The following WDR11 variants were observed in gnomAD, a reference collection of about 807,000 sequenced individuals.
WDR11 encodes the protein WD repeat domain 11, also known as WD repeat-containing protein 11.
WDR11 carries 83 observed loss-of-function variants against 151.2 expected under a neutral mutation model. That is an observed-to-expected ratio of 0.55 (90% CI 0.46 to 0.66). The LOEUF (loss-of-function observed/expected upper bound fraction) is 0.66, where lower values mean the gene tolerates loss of function less well. Ranked by LOEUF, WDR11 falls within the 30% of genes least tolerant of loss-of-function variation. WDR11 has a pLI of 0.00. For missense variants in WDR11, 1,301 were observed against 1,480.9 expected, an observed-to-expected ratio of 0.88 and a Z score of 1.99; for synonymous variants, 484 against 533.1, an observed-to-expected ratio of 0.91 and a Z score of 1.27.
Position 120,865,679 on chromosome 10 carries a change from G to T in WDR11, c.929G>T (p.Gly310Val). The change falls in exon 7 of 29, where the codon GGT (glycine) becomes GTT (valine). Residue 310 changes from glycine to valine, a missense_variant. By Grantham distance (109) the Gly-to-Val change is moderately radical (BLOSUM62 -3). Around this residue, in one of 3 missense-constraint regions of WDR11, gnomAD observed 692 missense variants for 762.5 expected, o/e 0.91. Transcript: ENST00000263461. ...RDGLFCLHENGCITLRVRRSY... is the reference protein window; with the variant it reads ...RDGLFCLHENVCITLRVRRSY... ...GGTTTATTTTGTCTACATGAAAATGGTTGTATAACTTTACGTGTTCGAAGA... is the reference window on the plus strand; with the variant it reads ...GGTTTATTTTGTCTACATGAAAATGTTTGTATAACTTTACGTGTTCGAAGA... 6.2e-7 allele frequency: 1 copy of T among 1,610,990 alleles called. No individual in the cohort carries two copies. The highest frequency in any genetic ancestry group is 8.5e-7 in the Non-Finnish European group (1 of 1,179,296).
intron 19 of WDR11, among the ~76,000 whole-genome samples, chr10:120,899,251 A>G (rs2133806801): frequency 6.6e-6 from 1 of 152,294 alleles, no homozygotes; most frequent in South Asian, 2.1e-4. Context: ...TACCTTTATA[A>G]GTGAGACCTG....
rs201033522 is a variant in WDR11, at chr10:120,885,892, G to A, written c.1927G>A (p.Val643Ile). The change falls in exon 15 of 29, where the codon GTA becomes ATA. Residue 643 changes from valine to isoleucine, a missense_variant. Around this residue, in one of 3 missense-constraint regions of WDR11, gnomAD observed 20 missense variants for 47.8 expected, o/e 0.42. Transcript: ENST00000263461. The stretch of plus-strand genomic sequence containing the variant: ...TCGAGAGGCCATGGCCCGCCAGACC[G>A]TAGTCTCAGACACAGAGCTGAGTAT... ...ATREAMARQT[V>I]VSDTELSIVE... 97 of 1,613,746 alleles carry A rather than the reference G, an allele frequency of 6.0e-5. No homozygotes were observed. The highest frequency in any genetic ancestry group is 8.9e-5 in the East Asian group (4 of 44,856).
In WDR11 at chr10:120,873,318, G is replaced by A. The variant is rs79607445; in HGVS notation, c.1472-521G>A. ...TCCAAGAGTATAAGGAAGAGCCAGGGCTTAAGCCCAGGTTTCTTTAATTGC... is the reference window on the plus strand; with the variant it reads ...TCCAAGAGTATAAGGAAGAGCCAGGACTTAAGCCCAGGTTTCTTTAATTGC... On this transcript the variant is annotated intron_variant, in intron 10 of 28. Coordinates refer to ENST00000263461, the MANE Select transcript of WDR11 (RefSeq NM_018117.12). Among the ~76,000 whole-genome samples the A allele has an allele frequency of 1.4e-4, 22 of 152,278 alleles. No homozygotes were observed. In the East Asian group the frequency reaches 4.2e-3, roughly 29 times the overall value.
At chr10:120,859,254 G>A (rs939510312) in intron 3 of WDR11, among the ~76,000 whole-genome samples, 1 of 149,430 alleles carries the variant, frequency 6.7e-6, no homozygotes, top group African/African-American at 2.5e-5. Context: ...AAACCAGTAC[G>A]GTATTCTTTT....
Position 120,866,710 on chromosome 10 carries a change from G to GCC in WDR11, c.1136_1137insCC (p.Arg379SerfsTer4). 6.2e-7 allele frequency: 1 copy of GCC among 1,614,196 alleles called. No homozygotes were observed. Among genetic ancestry groups the GCC allele is most frequent in the Non-Finnish European group, 8.5e-7 (1 of 1,180,040 alleles). On this transcript the variant is annotated frameshift_variant, in exon 8 of 29. Transcript: ENST00000263461. LOFTEE classifies it high-confidence loss of function. ...GCCGCCCTCGTAGTGAGTGATGGCA[G>GCC]GGTCATGATATGGGAACTCAAGTCT... is the stretch of plus-strand genomic sequence containing the variant.
rs1266657607 is a variant in WDR11 at position 120,864,672 on chromosome 10, CTTG to C, written c.714-374_714-372del. ...AATGTTGATGTTTTTCATCCTGAGT[CTTG>C]ATTTTAACAGTTTGCCTAGTACTTT... is the stretch of plus-strand genomic sequence containing the variant. On this transcript the variant is annotated intron_variant, in intron 5 of 28. Transcript: ENST00000263461. Among the ~76,000 whole-genome samples the C allele has an allele frequency of 2.1e-4, 32 of 152,174 alleles. No individual in the cohort carries two copies. The South Asian group carries it at 4.8e-3, about 23-fold the overall frequency.
intron 1 of WDR11, 200 bp downstream of exon 1, chr10:120,851,706 T>C: frequency 1.6e-6 from 1 of 637,338 alleles, no homozygotes; most frequent in South Asian, 1.9e-5. Context: ...AATTCCCCCA[T>C]GCAAATACAT....
Position 120,862,494 on chromosome 10 carries a change from T to A in WDR11, c.527-241T>A, listed in dbSNP as rs1334066809. 3 of 416,166 alleles carry A rather than the reference T, an allele frequency of 7.2e-6. No homozygotes were observed. In the Admixed American group the frequency reaches 1.2e-4, roughly 16 times the overall value. 25.8% of individuals were successfully genotyped at this position (416,166 alleles called of 1,614,324 possible). ...CTTGTTCTTTCTGCCAATAACCTTA[T>A]GTTATCTTTTTAATATAAGACATAA... is the stretch of plus-strand genomic sequence containing the variant. On this transcript the variant is annotated intron_variant, in intron 4 of 28. Coordinates refer to ENST00000263461, the MANE Select transcript of WDR11 (RefSeq NM_018117.12).
chr10:120,869,986 C>T (rs1846477065), intron 9 of WDR11, among the ~76,000 whole-genome samples: 1 of 151,988 alleles, frequency 6.6e-6, no homozygotes, highest in Non-Finnish European at 1.5e-5. Context: ...GACAGGGTTT[C>T]ACCATGTTGA....
At chr10:120,869,039 G>T (rs1461836885) in intron 9 of WDR11, among the ~76,000 whole-genome samples, 1 of 150,256 alleles carries the variant, frequency 6.7e-6, no homozygotes, top group African/African-American at 2.4e-5. Flanking sequence ...GCACTAATCA[G>T]TTATATGGAG....
chr10:120,874,182 T>TG (rs1846652400), intron 11 of WDR11, among the ~76,000 whole-genome samples: 2 of 58,230 alleles, frequency 3.4e-5, no homozygotes, highest in Admixed American at 2.2e-4. Flanking sequence ...TGCAGTTTTT[T>TG]TTTTTTTTTT....
intron 28 of WDR11, chr10:120,907,225 A>G: frequency 3.7e-6 from 1 of 270,254 alleles, no homozygotes; most frequent in Non-Finnish European, 7.3e-6. Flanking sequence ...CATGGAATAA[A>G]TTTTATATAT....
At position 120,865,748 on chromosome 10, in the gene WDR11, A is replaced by G. The variant is rs1207146506; in HGVS notation, c.994+4A>G. On this transcript the variant is annotated splice_donor_region_variant and intron_variant, in intron 7 of 28. Coordinates refer to ENST00000263461, the MANE Select transcript of WDR11 (RefSeq NM_018117.12). ...ACCACTTCAAATGAGGAACCAGGTG[A>G]GTTTCTGTCTCACAATAATGTTATA... 4.5e-6 allele frequency: 7 copies of G among 1,562,452 alleles called. No homozygotes were observed. Among genetic ancestry groups the G allele is most frequent in the Middle Eastern group, 2.2e-4 (1 of 4,612 alleles).
chr10:120,875,565 C>T (rs1172967830), intron 11 of WDR11, among the ~76,000 whole-genome samples: 3 of 152,140 alleles, frequency 2.0e-5, no homozygotes, highest in East Asian at 1.9e-4. Context: ...AGTGCAATGG[C>T]GCGATCTCAG....
chr10:120,906,669 T>G, intron 27 of WDR11, 107 bp from the exon 28 acceptor site: 1 of 1,598,772 alleles, frequency 6.3e-7, no homozygotes, highest in Non-Finnish European at 8.5e-7. Flanking sequence ...TAATGCAGTA[T>G]GCAGGTTTCC....
At chr10:120,854,006 G>GA (rs1404327808) in intron 2 of WDR11, among the ~76,000 whole-genome samples, 1 of 152,130 alleles carries the variant, frequency 6.6e-6, no homozygotes, top group Non-Finnish European at 1.5e-5. Context: ...TAGAGATTTG[G>GA]AGTCTTTTTC....
intron 17 of WDR11, 174 bp from the exon 18 acceptor site, chr10:120,889,721 T>G (rs1847352762): frequency 1.6e-6 from 1 of 636,058 alleles, no homozygotes; most frequent in Non-Finnish European, 2.8e-6. Context: ...AAGTCTTAGC[T>G]GACCTTAAAG....
chr10:120,894,854 A>G (rs143416761), intron 19 of WDR11, among the ~76,000 whole-genome samples: 2 of 152,284 alleles, frequency 1.3e-5, no homozygotes, highest in East Asian at 1.9e-4. Context: ...TCCAGATGTG[A>G]GATGATCTCC....
intron 19 of WDR11, 176 bp from the exon 20 acceptor site, chr10:120,899,853 G>C: frequency 3.2e-6 from 2 of 624,970 alleles, no homozygotes; most frequent in South Asian, 3.8e-5. Context: ...TGAATGCAGA[G>C]ACTCTCTCTG....
Sources: gnomAD v4.1 joint callset for allele counts (sites outside exome capture counted in the v4.1 genomes callset) on GRCh38, gnomAD v4.1.1 for gene constraint, gnomAD v4.1.1 regional missense constraint, MANE v1.5 for transcripts, NCBI Gene and HGNC (gene_info 2026-07-23, HGNC 2026-07-21) for gene names.